The following GPATCH2 variants were observed in gnomAD, a reference collection of about 807,000 sequenced individuals.
The protein encoded by GPATCH2 is G patch domain-containing protein 2.
A neutral mutation model predicts 58.0 loss-of-function variants in GPATCH2; 51 were observed. The observed-to-expected ratio is 0.88, with a 90% CI of 0.70 to 1.11. GPATCH2 has a LOEUF of 1.11. GPATCH2 is among the 50% of genes most tolerant of loss of function. The pLI, the probability that GPATCH2 is intolerant of heterozygous loss-of-function variation, is 0.00. For synonymous variants in GPATCH2, 222 were observed against 218.5 expected (o/e 1.02, Z -0.14); for missense variants, 625 against 652.2 (o/e 0.96, Z 0.45).
At position 217,438,853 on chromosome 1, in the gene GPATCH2, C is replaced by G. The variant is rs973142623; in HGVS notation, c.1367-7488G>C. ...TAAGACAGGCCAACACCTGTCTTCT[C>G]GCTGCCAGATTCATAACGCAAGTTC... is the stretch of plus-strand genomic sequence containing the variant. On this transcript the variant is annotated intron_variant, in intron 9 of 9. Transcript: ENST00000366935. 2.0e-5 allele frequency among the ~76,000 whole-genome samples: 3 copies of G among 151,750 alleles called. No homozygotes were observed. The East Asian group carries it at 5.8e-4, about 29-fold the overall frequency.
intron 7 of GPATCH2, among the ~76,000 whole-genome samples, chr1:217,493,846 GTTAA>G (rs1661870761): frequency 6.6e-6 from 1 of 151,968 alleles, no homozygotes. Flanking sequence ...ATAGTTAATA[GTTAA>G]TTATGTTTTC....
intron 8 of GPATCH2, among the ~76,000 whole-genome samples, chr1:217,458,052 C>T (rs1397192342): frequency 2.0e-5 from 3 of 152,230 alleles, no homozygotes; most frequent in Admixed American, 2.0e-4. Context: ...ACGGTGAAAC[C>T]CCGTCTCTAC....
intron 2 of GPATCH2, among the ~76,000 whole-genome samples, chr1:217,618,858 G>A (rs775877521): frequency 2.6e-5 from 4 of 151,832 alleles, no homozygotes; most frequent in Non-Finnish European, 4.4e-5. Flanking sequence ...AGCTACTCCG[G>A]AGGCTGAGGC....
chr1:217,589,439 G>C (rs57625924), intron 5 of GPATCH2, among the ~76,000 whole-genome samples: 7,096 of 152,144 alleles, frequency 0.047, 537 homozygotes, highest in African/African-American at 0.16. Context: ...CTATCTCCTA[G>C]AAAAGTAATT....
At chr1:217,497,574 A>G (rs1293714659) in intron 7 of GPATCH2, among the ~76,000 whole-genome samples, 1 of 152,134 alleles carries the variant, frequency 6.6e-6, no homozygotes, top group Non-Finnish European at 1.5e-5. Flanking sequence ...AAACATTATA[A>G]TGTTACCAAT....
chr1:217,601,263 T>TA (rs1267455460), intron 5 of GPATCH2, among the ~76,000 whole-genome samples: 10 of 151,970 alleles, frequency 6.6e-5, no homozygotes, highest in African/African-American at 2.4e-4. Context: ...AAACTTTCTT[T>TA]AAAAAAAATC....
intron 8 of GPATCH2, among the ~76,000 whole-genome samples, chr1:217,483,248 A>C (rs990130695): frequency 6.6e-6 from 1 of 151,784 alleles, no homozygotes; most frequent in Non-Finnish European, 1.5e-5. Flanking sequence ...GCAGTGGTAC[A>C]ATCTTGGCTC....
At chr1:217,573,112 G>A (rs894132860) in intron 5 of GPATCH2, among the ~76,000 whole-genome samples, 8 of 152,058 alleles carry the variant, frequency 5.3e-5, no homozygotes, top group South Asian at 2.1e-4. Context: ...GTCAAATACC[G>A]TAAAAGATTA....
At chr1:217,589,727 C>T (rs1189846057) in intron 5 of GPATCH2, among the ~76,000 whole-genome samples, 3 of 152,142 alleles carry the variant, frequency 2.0e-5, no homozygotes, top group Non-Finnish European at 4.4e-5. Context: ...ATCTCAAGCA[C>T]TAGGGTTTTC....
intron 6 of GPATCH2, among the ~76,000 whole-genome samples, chr1:217,505,865 C>T (rs1376289184): frequency 6.6e-6 from 1 of 152,120 alleles, no homozygotes; most frequent in Admixed American, 6.5e-5. Context: ...GTCCATCACC[C>T]AGGCTGGAGT....
Position 217,431,342 on chromosome 1 carries a change from G to A in GPATCH2, c.1390C>T (p.Pro464Ser). ...TTTCCAATATTATTTTCTAGGATTG[G>A]CTGGGCATTTTCACCTACAAATCCT... Reference protein sequence around the residue: ...TAGFVGENAQPILENNIGNRM... With the variant: ...TAGFVGENAQSILENNIGNRM... Residue 464 changes from proline (P) to serine (S), a missense_variant, in exon 10 of 10, where the codon CCA becomes TCA. Coordinates refer to ENST00000366935, the MANE Select transcript of GPATCH2 (RefSeq NM_018040.5). 1.9e-6 allele frequency: 3 copies of A among 1,599,792 alleles called. No homozygotes were observed. The highest frequency in any genetic ancestry group is 2.6e-6 in the Non-Finnish European group (3 of 1,166,894).
In GPATCH2 at chr1:217,557,956, C is replaced by T. The variant is rs568175795; in HGVS notation, c.1099-43067G>A. On this transcript the variant is annotated intron_variant, in intron 5 of 9. Coordinates refer to ENST00000366935, the MANE Select transcript of GPATCH2 (RefSeq NM_018040.5). The stretch of plus-strand genomic sequence containing the variant: ...AAGACACAAGTTAATCTGTAAAACG[C>T]TTCTGAATCATGATCCACATCTTAC... Among the ~76,000 whole-genome samples, 12 of 152,276 alleles carry T rather than the reference C, an allele frequency of 7.9e-5. No homozygotes were observed. In the East Asian group the frequency reaches 2.1e-3, roughly 27 times the overall value.
At chr1:217,438,774 C>G (rs950217776) in intron 9 of GPATCH2, among the ~76,000 whole-genome samples, 1 of 152,018 alleles carries the variant, frequency 6.6e-6, no homozygotes, top group African/African-American at 2.4e-5. Context: ...GAGAATGGAA[C>G]CAAGTTGGAA....
chr1:217,448,431 C>G (rs1005000426), intron 9 of GPATCH2, among the ~76,000 whole-genome samples: 4 of 152,174 alleles, frequency 2.6e-5, no homozygotes, highest in Admixed American at 2.6e-4. Context: ...TTATGGCTAA[C>G]GGCTGTTTAT....
intron 8 of GPATCH2, among the ~76,000 whole-genome samples, chr1:217,455,292 T>C (rs972307010): frequency 2.6e-5 from 4 of 152,144 alleles, no homozygotes. Flanking sequence ...GGCCATGAAA[T>C]GGAATCTGGT....
intron 5 of GPATCH2, among the ~76,000 whole-genome samples, chr1:217,547,746 T>C (rs140807513): frequency 0.01 from 1,525 of 152,300 alleles, 25 homozygotes; most frequent in African/African-American, 0.035. Flanking sequence ...GAGGTCATTG[T>C]CCTTAGCAAA....
Position 217,552,004 on chromosome 1 carries a change from AT to A in GPATCH2, c.1099-37116del, listed in dbSNP as rs1211863246. Among the ~76,000 whole-genome samples the A allele has an allele frequency of 5.3e-5, 8 of 152,276 alleles. No homozygotes were observed. In the East Asian group the frequency reaches 1.5e-3, roughly 29 times the overall value. On this transcript the variant is annotated intron_variant, in intron 5 of 9. Transcript: ENST00000366935. ...TTAAGAAAATAAGATAATTTTTTAA[AT>A]TCTTAATCAACCTATTTTTAGATGG...
At chr1:217,592,389 C>G (rs915147523) in intron 5 of GPATCH2, among the ~76,000 whole-genome samples, 2 of 151,848 alleles carry the variant, frequency 1.3e-5, no homozygotes, top group African/African-American at 4.8e-5. Context: ...AAGTAGATGG[C>G]TTCTCACTTT....
intron 1 of GPATCH2, among the ~76,000 whole-genome samples, chr1:217,629,235 A>G (rs1669613401): frequency 6.6e-6 from 1 of 152,086 alleles, no homozygotes; most frequent in African/African-American, 2.4e-5. Flanking sequence ...AGTCATACAG[A>G]TAGTCATACA....
Sources: gnomAD v4.1 joint callset for allele counts (sites outside exome capture counted in the v4.1 genomes callset) on GRCh38, gnomAD v4.1.1 for gene constraint, MANE v1.5 for transcripts, NCBI Gene and HGNC (gene_info 2026-07-23, HGNC 2026-07-21) for gene names.